The following GREP1 variants were observed in gnomAD, a reference collection of about 807,000 sequenced individuals.
The protein encoded by GREP1 is glycine rich extracellular protein 1.
chr16:2,995,139 C>A (rs1367517978), intron 13 of GREP1, 145 bp from the exon 15 acceptor site: 1 of 398,008 alleles, frequency 2.5e-6, no homozygotes, highest in African/African-American at 2.1e-5. Flanking sequence ...TCAGCCCTCC[C>A]ACCCCGACAA....
In GREP1 at chr16:2,995,848, C is replaced by T. The variant is rs2072421920; in HGVS notation, c.623-9C>T. On this transcript the variant is annotated splice_polypyrimidine_tract_variant and intron_variant, in intron 17 of 34. Transcript: ENST00000573315. ...ATAAGCACTCTACTCATGCTCCCTC[C>T]CTCTCCAGGATATGGGAAAAGGCTG... 8 of 398,600 alleles carry T rather than the reference C, an allele frequency of 2.0e-5. No homozygotes were observed. The East Asian group carries it at 2.9e-4, about 14-fold the overall frequency. 24.7% of individuals were successfully genotyped at this position (398,600 alleles called of 1,614,324 possible).
At chr16:2,990,985 GTC>G (rs1167678864) in intron 7 of GREP1, 61 bp from the exon 7 acceptor site, 1 of 399,048 alleles carries the variant, frequency 2.5e-6, no homozygotes, top group African/African-American at 2.1e-5. Context: ...CCCACCCTCT[GTC>G]TCTGTCTCTG....
chr16:2,988,342 TG>T lies in GREP1; in HGVS notation c.67+1del, dbSNP rs1379904266. ...GCCTGACTTCCGAGAGCCTGCAAGG[TG>T]GTGAGGGCAGCTTGGGGCTGGGGGT... On this transcript the variant is annotated frameshift_variant and splice_region_variant, in exon 1 of 35. Coordinates refer to ENST00000573315, the Ensembl canonical transcript of GREP1. LOFTEE classifies it high-confidence loss of function. 4 of 398,350 alleles carry T rather than the reference TG, an allele frequency of 1.0e-5. No individual in the cohort carries two copies. Among genetic ancestry groups the T allele is most frequent in the Non-Finnish European group, 8.8e-6 (2 of 226,052 alleles). The allele number at this position is 398,350 out of a possible 1,614,324, so 24.7% of individuals were successfully genotyped here.
exon 30 of GREP1, chr16:3,000,305 G>A (rs73484372): frequency 0.016 from 6,575 of 399,278 alleles, 403 homozygotes; most frequent in African/African-American, 0.12. Context: ...TAGGTTATGG[G>A]AATGGTGTCC....
At chr16:2,995,206 G>A (rs1213321207) in intron 13 of GREP1, 78 bp from the exon 15 acceptor site, 3 of 398,644 alleles carry the variant, frequency 7.5e-6, no homozygotes, top group Non-Finnish European at 1.3e-5. Context: ...GAGGAGCTGG[G>A]GTCCAGATGC....
chr16:2,999,795 C>T, intron 27 of GREP1, 107 bp from the exon 25 acceptor site: 1 of 398,600 alleles, frequency 2.5e-6, no homozygotes, highest in East Asian at 3.6e-5. Context: ...TCCCTGTGGA[C>T]AGGAAAAGTC....
At chr16:3,000,410 C>G (rs1173465874) in intron 30 of GREP1, 1 of 399,030 alleles carries the variant, frequency 2.5e-6, no homozygotes, top group Admixed American at 4.4e-5. Flanking sequence ...CCCAGCCCAG[C>G]CTCTGACACC....
chr16:2,999,030 A>G (rs933004081), intron 26 of GREP1, 51 bp downstream of exon 24: 25 of 398,964 alleles, frequency 6.3e-5, no homozygotes, highest in Non-Finnish European at 1.8e-5. Flanking sequence ...ACCTGGCCCT[A>G]TGAGGGTCAG....
intron 10 of GREP1, chr16:2,994,466 G>C: frequency 5.7e-6 from 2 of 351,086 alleles, no homozygotes; most frequent in Non-Finnish European, 1.0e-5. Flanking sequence ...CCAAGATCAC[G>C]CCATTGCTCT....
At chr16:2,996,899 T>TC (rs1222302150) in intron 20 of GREP1, 154 bp from the exon 20 acceptor site, 1 of 399,114 alleles carries the variant, frequency 2.5e-6, no homozygotes, top group Non-Finnish European at 4.4e-6. Context: ...TGCCTCCCTG[T>TC]CCCCCAGTGG....
chr16:2,999,024 G>C lies in GREP1; in HGVS notation c.1144+45G>C, dbSNP rs2072443642. The C allele has an allele frequency of 1.5e-5, 6 of 399,070 alleles. No homozygotes were observed. In the East Asian group the frequency reaches 2.1e-4, roughly 14 times the overall value. 24.7% of individuals were successfully genotyped at this position (399,070 alleles called of 1,614,324 possible). A position where few individuals can be genotyped will look rare whatever the true frequency, so the allele number is the denominator to read the frequency against. ...GCCTAGGGGGCACTGGGAAGCACCTGGCCCTATGAGGGTCAGGGCCTGGCT... is the reference window on the plus strand; with the variant it reads ...GCCTAGGGGGCACTGGGAAGCACCTCGCCCTATGAGGGTCAGGGCCTGGCT... On this transcript the variant is annotated intron_variant, in intron 26 of 34. Coordinates refer to ENST00000573315, the Ensembl canonical transcript of GREP1.
At chr16:3,000,584 A>G (rs2072455718) in exon 32 of GREP1, 1 of 398,910 alleles carries the variant, frequency 2.5e-6, no homozygotes, top group African/African-American at 2.1e-5. Context: ...GTGTACCCCA[A>G]AGCAGCAGCT....
Position 2,989,327 on chromosome 16 carries a change from G to C in GREP1, c.101-196G>C. 2.5e-6 allele frequency: 1 copy of C among 396,434 alleles called. No individual in the cohort carries two copies. 24.6% of individuals were successfully genotyped at this position (396,434 alleles called of 1,614,324 possible). A position where few individuals can be genotyped will look rare whatever the true frequency, so the allele number is the denominator to read the frequency against. ...GTGACAGCAGGGAAACTGAGACCTGGAAAGGGAGGTGGCATCCAGATTTGG... is the reference window on the plus strand; with the variant it reads ...GTGACAGCAGGGAAACTGAGACCTGCAAAGGGAGGTGGCATCCAGATTTGG... On this transcript the variant is annotated intron_variant, in intron 2 of 34. Transcript: ENST00000573315. The surrounding 1 kb of genome is among the most constrained non-coding windows in gnomAD (Gnocchi z 4.2).
chr16:3,001,544 G>C lies in GREP1; in HGVS notation c.1586-17G>C, dbSNP rs777277266. 6 of 399,076 alleles carry C rather than the reference G, an allele frequency of 1.5e-5. No individual in the cohort carries two copies. Among genetic ancestry groups the C allele is most frequent in the Non-Finnish European group, 2.2e-5 (5 of 226,184 alleles). The allele number at this position is 399,076 out of a possible 1,614,324, so 24.7% of individuals were successfully genotyped here. A position where few individuals can be genotyped will look rare whatever the true frequency, so the allele number is the denominator to read the frequency against. Reference sequence around the variant, plus strand: ...CAGGGCCCCGCCCCTCCCTAGCCCAGCTCTATGTCTTCCCAGGCCGCTGCC... The same window carrying C: ...CAGGGCCCCGCCCCTCCCTAGCCCACCTCTATGTCTTCCCAGGCCGCTGCC... On this transcript the variant is annotated splice_polypyrimidine_tract_variant and intron_variant, in intron 34 of 34. Coordinates refer to ENST00000573315, the Ensembl canonical transcript of GREP1.
Position 2,992,771 on chromosome 16 carries a change from C to A in GREP1, c.323-34C>A. The A allele has an allele frequency of 2.5e-6, 1 of 399,204 alleles. No homozygotes were observed. Among genetic ancestry groups the A allele is most frequent in the South Asian group, 1.3e-4 (1 of 7,840 alleles). 24.7% of individuals were successfully genotyped at this position (399,204 alleles called of 1,614,324 possible). A position where few individuals can be genotyped will look rare whatever the true frequency, so the allele number is the denominator to read the frequency against. On this transcript the variant is annotated intron_variant, in intron 8 of 34. Coordinates refer to ENST00000573315, the Ensembl canonical transcript of GREP1. The surrounding 1 kb of genome is among the most constrained non-coding windows in gnomAD (Gnocchi z 4.9). Reference sequence around the variant, plus strand: ...AGGCCCCAGCTCATCCCCACTGCACCACCTTCCACACTCCTGTGTCTGCCC... The same window carrying A: ...AGGCCCCAGCTCATCCCCACTGCACAACCTTCCACACTCCTGTGTCTGCCC...
exon 16 of GREP1, chr16:2,995,628 C>A (rs777712990): frequency 1.0e-5 from 4 of 398,826 alleles, no homozygotes; most frequent in African/African-American, 4.1e-5. Flanking sequence ...GTCTTGACAG[C>A]CCAGAACCGA....
intron 5 of GREP1, 117 bp from the exon 6 acceptor site, chr16:2,990,435 G>C (rs1299885161): frequency 5.0e-6 from 2 of 398,976 alleles, no homozygotes; most frequent in Admixed American, 8.8e-5. Flanking sequence ...CCCCTCATCT[G>C]ATCCCCCTCT....
intron 13 of GREP1, 60 bp downstream of exon 14, chr16:2,995,022 G>A (rs2072417530): frequency 2.5e-6 from 1 of 398,938 alleles, no homozygotes; most frequent in South Asian, 1.3e-4. Context: ...TTCCTCCCAG[G>A]GGCGGGATTG....
At chr16:2,995,295 G>A (rs979789802) in exon 14 of GREP1, 1 of 398,898 alleles carries the variant, frequency 2.5e-6, no homozygotes, top group African/African-American at 2.1e-5. Flanking sequence ...CTTTAGAGGG[G>A]ACATGAAGGC....
Sources: allele counts gnomAD v4.1 joint callset, GRCh38; gene constraint gnomAD v4.1.1; non-coding constraint Gnocchi (gnomAD v3.1); transcripts MANE v1.5; gene names NCBI Gene and HGNC (gene_info 2026-07-23, HGNC 2026-07-21).